Variants in EXOC6B observed in about 807,000 individuals in gnomAD.
EXOC6B encodes the protein SEC15 homolog B.
In EXOC6B, 54 loss-of-function variants were observed where a neutral mutation model predicts 113.5. The observed-to-expected ratio is 0.48, with a 90% CI of 0.38 to 0.60. EXOC6B has a LOEUF of 0.60. Among genes scored for constraint, EXOC6B ranks in the 20% least tolerant of loss-of-function variants. The pLI, the probability that EXOC6B is intolerant of heterozygous loss-of-function variation, is 0.00. For synonymous variants in EXOC6B, 357 were observed against 339.0 expected (o/e 1.05, Z -0.58); for missense variants, 797 against 977.5 (o/e 0.82, Z 2.46).
In EXOC6B at chr2:72,500,110, A is replaced by T. The variant is rs1003790890; in HGVS notation, c.1168-138T>A. The T allele has an allele frequency of 1.1e-5, 7 of 635,492 alleles. No homozygotes were observed. The African/African-American group carries it at 1.3e-4, about 12-fold the overall frequency. The allele number at this position is 635,492 out of a possible 1,614,324, so 39.4% of individuals were successfully genotyped here. On this transcript the variant is annotated intron_variant, in intron 11 of 21. Coordinates refer to ENST00000272427, the MANE Select transcript of EXOC6B (RefSeq NM_015189.3). The stretch of plus-strand genomic sequence containing the variant: ...ATTCTTTCCCTAGAAATAATTCAAC[A>T]CTTCCCTGGTACAAGGTAACACCAG...
intron 20 of EXOC6B, among the ~76,000 whole-genome samples, chr2:72,312,218 G>A (rs1298200648): frequency 6.6e-6 from 1 of 152,008 alleles, no homozygotes; most frequent in Admixed American, 6.5e-5. Flanking sequence ...ACATCTAGAT[G>A]GTTGGTTCCA....
At chr2:72,515,232 T>C (rs543578979) in intron 8 of EXOC6B, 106 bp from the exon 9 acceptor site, 2 of 1,085,940 alleles carry the variant, frequency 1.8e-6, no homozygotes, top group African/African-American at 3.2e-5. Flanking sequence ...TAGTATCACA[T>C]TTCTCAAAAT....
At chr2:72,514,889 G>A (rs1701134590) in intron 9 of EXOC6B, among the ~76,000 whole-genome samples, 154 bp downstream of exon 9, 1 of 151,364 alleles carries the variant, frequency 6.6e-6, no homozygotes, top group Non-Finnish European at 1.5e-5. Flanking sequence ...ATCAATAAAT[G>A]TTTTCTTACT....
chr2:72,327,502 G>A (rs1304200634), intron 20 of EXOC6B, among the ~76,000 whole-genome samples: 2 of 152,016 alleles, frequency 1.3e-5, no homozygotes, highest in African/African-American at 4.8e-5. Context: ...CATAGTAAGA[G>A]GATAATGAAT....
intron 18 of EXOC6B, among the ~76,000 whole-genome samples, chr2:72,385,236 A>C (rs1451857741): frequency 6.6e-6 from 1 of 152,296 alleles, no homozygotes; most frequent in East Asian, 1.9e-4. Flanking sequence ...TTTTTGATAA[A>C]GATACCAATA....
At chr2:72,454,685 T>C (rs1454327355) in intron 18 of EXOC6B, among the ~76,000 whole-genome samples, 1 of 152,158 alleles carries the variant, frequency 6.6e-6, no homozygotes, top group East Asian at 1.9e-4. Context: ...AGCTTTTATT[T>C]AATAATTACA....
At chr2:72,512,399 GGAAGGAAGGAAGGAAGGAAGGAAGGAAA>G (rs1558748757) in intron 11 of EXOC6B, among the ~76,000 whole-genome samples, 43 of 103,380 alleles carry the variant, frequency 4.2e-4, no homozygotes, top group African/African-American at 1.6e-3. Flanking sequence ...AAGGAAGGAA[GGAAGGAAGGAAGGAAGGAAGGAAGGAAA>G]GAAGGAAGGA....
intron 1 of EXOC6B, among the ~76,000 whole-genome samples, chr2:72,800,774 T>G (rs896679254): frequency 6.6e-6 from 1 of 152,110 alleles, no homozygotes; most frequent in Middle Eastern, 3.2e-3. Context: ...ACAATAAAAT[T>G]TATGTAATAA....
chr2:72,539,730 A>C (rs565309353), intron 8 of EXOC6B, among the ~76,000 whole-genome samples: 164 of 93,862 alleles, frequency 1.7e-3, no homozygotes, highest in African/African-American at 5.3e-3. Context: ...CCTGTGGGCT[A>C]TGCGTGTGTG....
chr2:72,796,709 T>C (rs1242753201), intron 1 of EXOC6B, among the ~76,000 whole-genome samples: 1 of 152,052 alleles, frequency 6.6e-6, no homozygotes, highest in Non-Finnish European at 1.5e-5. Flanking sequence ...AATCTTCCTA[T>C]CCCATAAATC....
intron 1 of EXOC6B, among the ~76,000 whole-genome samples, chr2:72,820,926 C>T (rs550256662): frequency 1.4e-4 from 21 of 151,538 alleles, no homozygotes; most frequent in East Asian, 7.7e-4. Context: ...TCATGCATTA[C>T]GCAAAAGTTT....
chr2:72,444,682 T>C (rs1696455855), intron 18 of EXOC6B, among the ~76,000 whole-genome samples: 1 of 152,230 alleles, frequency 6.6e-6, no homozygotes, highest in Admixed American at 6.5e-5. Context: ...GACATGGGGC[T>C]TGCACCCTCC....
intron 18 of EXOC6B, among the ~76,000 whole-genome samples, chr2:72,432,892 G>A (rs1048183077): frequency 6.6e-6 from 1 of 152,058 alleles, no homozygotes; most frequent in Admixed American, 6.6e-5. Context: ...TTCTTTTGCT[G>A]TGCAGAAGCT....
chr2:72,802,117 G>A (rs1238852946), intron 1 of EXOC6B, among the ~76,000 whole-genome samples: 2 of 152,154 alleles, frequency 1.3e-5, no homozygotes, highest in African/African-American at 4.8e-5. Flanking sequence ...AAGGTCGGGA[G>A]TTCAAGACCA....
chr2:72,365,438 A>G (rs1690560564), intron 19 of EXOC6B, among the ~76,000 whole-genome samples: 1 of 152,296 alleles, frequency 6.6e-6, no homozygotes, highest in African/African-American at 2.4e-5. Context: ...TCCCACAGAC[A>G]TAATGATACT....
intron 19 of EXOC6B, among the ~76,000 whole-genome samples, chr2:72,359,039 G>T (rs989016372): frequency 2.0e-5 from 3 of 152,154 alleles, no homozygotes; most frequent in African/African-American, 7.2e-5. Flanking sequence ...GATAGGACTG[G>T]GTGGGGCAGA....
At chr2:72,353,349 G>GTTGTATTGTATTGTA (rs371125530) in intron 19 of EXOC6B, among the ~76,000 whole-genome samples, 12 of 142,252 alleles carry the variant, frequency 8.4e-5, no homozygotes, top group African/African-American at 3.2e-4. Flanking sequence ...TTTATATTTT[G>GTTGTATTGTATTGTA]TTGTATTGTA....
chr2:72,321,000 T>C (rs1572908803), intron 20 of EXOC6B, among the ~76,000 whole-genome samples: 1 of 152,292 alleles, frequency 6.6e-6, no homozygotes, highest in East Asian at 1.9e-4. Context: ...TAATTAGTCA[T>C]TAGGTTAATA....
At chr2:72,790,207 C>A (rs568028870) in intron 1 of EXOC6B, among the ~76,000 whole-genome samples, 1 of 152,182 alleles carries the variant, frequency 6.6e-6, no homozygotes, top group African/African-American at 2.4e-5. Context: ...ACAGTAGAAA[C>A]CTTTGGTGAG....
Sources: allele counts gnomAD v4.1 joint callset (sites outside exome capture counted in the v4.1 genomes callset), GRCh38; gene constraint gnomAD v4.1.1; transcripts MANE v1.5; gene names NCBI Gene and HGNC (gene_info 2026-07-23, HGNC 2026-07-21).